The following PCDHA6 variants were observed in gnomAD, a reference collection of about 807,000 sequenced individuals.
PCDHA6 encodes protocadherin alpha 6.
Under a neutral mutation model 60.3 loss-of-function variants are expected in PCDHA6, and 55 were observed. That is an observed-to-expected ratio of 0.91 (90% CI 0.73 to 1.14). The LOEUF (loss-of-function observed/expected upper bound fraction) is 1.14. Ranked by LOEUF, PCDHA6 falls within the 50% of genes most tolerant of loss-of-function variation. The probability of loss-of-function intolerance (pLI) is 0.00; values close to 1 mark genes in which losing one functional copy is unlikely to be tolerated. For missense variants in PCDHA6, 1,327 were observed against 1,256.5 expected (o/e 1.06, Z -0.85); for synonymous variants, 652 against 557.9 (o/e 1.17, Z -2.38).
intron 1 of PCDHA6, chr5:140,871,232 T>C: frequency 6.2e-7 from 1 of 1,613,948 alleles, no homozygotes; most frequent in South Asian, 1.1e-5. Flanking sequence ...TCCAGCCTCC[T>C]GGTACTCACG....
chr5:140,877,135 G>C, intron 1 of PCDHA6: 1 of 1,613,790 alleles, frequency 6.2e-7, no homozygotes, highest in Non-Finnish European at 8.5e-7. Flanking sequence ...GCAGGTGTTC[G>C]TGCTGGACGA....
chr5:140,849,588 C>A (rs2150441639), intron 1 of PCDHA6: 12 of 1,598,674 alleles, frequency 7.5e-6, no homozygotes, highest in Non-Finnish European at 1.0e-5. Flanking sequence ...GGACGCACAA[C>A]TGGGGACAGT....
chr5:140,868,806 G>A (rs374832846), intron 1 of PCDHA6: 20 of 357,070 alleles, frequency 5.6e-5, no homozygotes, highest in African/African-American at 2.7e-4. Context: ...AAATAAGCAC[G>A]TTGGAAATAT....
intron 1 of PCDHA6, among the ~76,000 whole-genome samples, chr5:140,840,617 T>C (rs2150308160): frequency 2.0e-5 from 3 of 152,150 alleles, no homozygotes; most frequent in African/African-American, 7.2e-5. Context: ...AGGCTGAATT[T>C]AACAAGCTAT....
intron 3 of PCDHA6, among the ~76,000 whole-genome samples, chr5:140,986,846 A>G (rs782028314): frequency 6.6e-6 from 1 of 152,200 alleles, no homozygotes; most frequent in Non-Finnish European, 1.5e-5. Flanking sequence ...AAGGGGCAGC[A>G]ACACCAACAA....
chr5:140,910,191 CTT>C (rs1384563815), intron 1 of PCDHA6, among the ~76,000 whole-genome samples: 2 of 152,152 alleles, frequency 1.3e-5, no homozygotes, highest in Non-Finnish European at 2.9e-5. Context: ...TCAAATTAGT[CTT>C]TTGTCCACTT....
At chr5:140,832,679 G>A (rs1212097069) in intron 1 of PCDHA6, among the ~76,000 whole-genome samples, 3 of 152,094 alleles carry the variant, frequency 2.0e-5, no homozygotes, top group Non-Finnish European at 4.4e-5. Context: ...GAGAATCATC[G>A]AATTAACAAG....
intron 1 of PCDHA6, chr5:140,868,179 A>G (rs1220525883): frequency 1.3e-5 from 2 of 152,152 alleles, no homozygotes; most frequent in African/African-American, 2.4e-5. Context: ...GATATCTCAT[A>G]TTATGCTACT....
At chr5:140,831,431 C>A (rs1771526531) in intron 1 of PCDHA6, among the ~76,000 whole-genome samples, 1 of 151,698 alleles carries the variant, frequency 6.6e-6, no homozygotes, top group African/African-American at 2.4e-5. Flanking sequence ...GCAATAATGG[C>A]TCACTGCACC....
chr5:140,884,500 G>C (rs782378726), intron 1 of PCDHA6: 10 of 1,614,004 alleles, frequency 6.2e-6, no homozygotes, highest in Admixed American at 3.3e-5. Flanking sequence ...GCTCCAGCGC[G>C]GCAGGGAGTT....
chr5:140,929,480 G>C, intron 1 of PCDHA6: 1 of 1,195,420 alleles, frequency 8.4e-7, no homozygotes, highest in Non-Finnish European at 1.1e-6. Context: ...TGGAAGTATA[G>C]AAGTATTAGA....
At chr5:140,998,591 T>A (rs2097823979) in intron 3 of PCDHA6, among the ~76,000 whole-genome samples, 1 of 150,884 alleles carries the variant, frequency 6.6e-6, no homozygotes, top group Non-Finnish European at 1.5e-5. Context: ...TGAGACAGAG[T>A]TTTGCTCTTG....
At chr5:140,884,194 G>C in intron 1 of PCDHA6, 1 of 1,613,402 alleles carries the variant, frequency 6.2e-7, no homozygotes, top group Non-Finnish European at 8.5e-7. Flanking sequence ...AGGTGGACGC[G>C]CCGCACCACC....
At chr5:140,927,575 A>G (rs782237037) in intron 1 of PCDHA6, 1 of 1,614,202 alleles carries the variant, frequency 6.2e-7, no homozygotes, top group South Asian at 1.1e-5. Context: ...GACACAAATG[A>G]CAACGCGCCT....
At chr5:140,839,602 C>T (rs1330709699) in intron 1 of PCDHA6, among the ~76,000 whole-genome samples, 1 of 151,960 alleles carries the variant, frequency 6.6e-6, no homozygotes. Context: ...GTTGCCCAGG[C>T]TGGTCTCAAA....
intron 1 of PCDHA6, among the ~76,000 whole-genome samples, chr5:140,908,191 G>A (rs548195405): frequency 2.6e-5 from 4 of 152,244 alleles, no homozygotes; most frequent in African/African-American, 9.6e-5. Flanking sequence ...TTCAGGTGGT[G>A]GACATATCAT....
intron 1 of PCDHA6, chr5:140,877,451 C>G (rs782361627): frequency 6.2e-7 from 1 of 1,613,790 alleles, no homozygotes; most frequent in East Asian, 2.2e-5. Flanking sequence ...CCCGCGCTGA[C>G]GTCCACGGCC....
chr5:140,860,034 A>G (rs1356064800), intron 1 of PCDHA6: 3 of 150,432 alleles, frequency 2.0e-5, no homozygotes, highest in Non-Finnish European at 3.0e-5. Context: ...CACACCTGTA[A>G]TCCCAGCATT....
At position 141,009,957 on chromosome 5, in the gene PCDHA6, G is replaced by A; in HGVS notation, c.*20G>A. The stretch of plus-strand genomic sequence containing the variant: ...CAGTGAGGTCCTCAAATGGAAACAA[G>A]CCACTTAGCCAGTTTTTGTAATAAT... On this transcript the variant is annotated 3_prime_UTR_variant, in exon 4 of 4. Transcript: ENST00000529310. 1 of 1,589,160 alleles carries A rather than the reference G, an allele frequency of 6.3e-7. No individual in the cohort carries two copies. Among genetic ancestry groups the A allele is most frequent in the Non-Finnish European group, 8.5e-7 (1 of 1,171,102 alleles).
Sources: allele counts gnomAD v4.1 joint callset (sites outside exome capture counted in the v4.1 genomes callset), GRCh38; gene constraint gnomAD v4.1.1; transcripts MANE v1.5; gene names NCBI Gene and HGNC (gene_info 2026-07-23, HGNC 2026-07-21).